Variants in FDFT1 observed in about 807,000 individuals in gnomAD.
FDFT1 encodes the protein squalene synthase.
Under a neutral mutation model 46.8 loss-of-function variants are expected in FDFT1, and 68 were observed. The observed-to-expected ratio is 1.45, with a 90% CI of 1.19 to 1.78. The LOEUF (loss-of-function observed/expected upper bound fraction) is 1.78, where lower values mean the gene tolerates loss of function less well. FDFT1 is among the 40% of genes most tolerant of loss of function. FDFT1 has a pLI of 0.00. For synonymous variants in FDFT1, 351 were observed against 185.1 expected, an observed-to-expected ratio of 1.90 and a Z score of -7.28; for missense variants, 928 against 524.4, an observed-to-expected ratio of 1.77 and a Z score of -7.52.
chr8:11,820,680 G>T (rs955238223), intron 3 of FDFT1, among the ~76,000 whole-genome samples: 8 of 152,228 alleles, frequency 5.3e-5, no homozygotes, highest in Admixed American at 1.3e-4. Flanking sequence ...CCCGAGCCAG[G>T]CACTGGAGGC....
intron 5 of FDFT1, among the ~76,000 whole-genome samples, chr8:11,827,502 A>G (rs1465029109): frequency 1.3e-5 from 2 of 151,914 alleles, no homozygotes; most frequent in Non-Finnish European, 2.9e-5. Flanking sequence ...TCGGTGGCAG[A>G]ATGAAACTGT....
intron 1 of FDFT1, 81 bp downstream of exon 1, chr8:11,803,012 A>T: frequency 6.6e-7 from 1 of 1,523,102 alleles, no homozygotes; most frequent in Non-Finnish European, 8.8e-7. Context: ...CCGGGCCCGG[A>T]TCTGGGGCAA....
At chr8:11,817,031 T>G (rs1280941765) in intron 3 of FDFT1, among the ~76,000 whole-genome samples, 1 of 152,194 alleles carries the variant, frequency 6.6e-6, no homozygotes, top group Non-Finnish European at 1.5e-5. Flanking sequence ...CTTATTATTT[T>G]GAGATGCGTT....
Position 11,830,437 on chromosome 8 carries a change from C to T in FDFT1, c.879+17C>T, listed in dbSNP as rs1199358484. 4 of 1,592,640 alleles carry T rather than the reference C, an allele frequency of 2.5e-6. No homozygotes were observed. The East Asian group carries it at 6.7e-5, about 27-fold the overall frequency. Reference sequence around the variant, plus strand: ...ATTCCACAGGTAGGGAAGGGGGCTCCTCTGGGTGGATACGGGGCTAAAGGG... The same window carrying T: ...ATTCCACAGGTAGGGAAGGGGGCTCTTCTGGGTGGATACGGGGCTAAAGGG... On this transcript the variant is annotated intron_variant, in intron 6 of 7. Transcript: ENST00000220584.
At chr8:11,801,004 G>A (rs1256080097), upstream of FDFT1, among the ~76,000 whole-genome samples, 1 of 152,142 alleles carries the variant, frequency 6.6e-6, no homozygotes, top group East Asian at 1.9e-4. Flanking sequence ...ATTAGAATAT[G>A]GTAAATATAG....
At chr8:11,798,402 A>G (rs60471430), upstream of FDFT1, among the ~76,000 whole-genome samples, 24,740 of 152,214 alleles carry the variant, frequency 0.16, 2,090 homozygotes, top group East Asian at 0.31. Context: ...CCATATGGGA[A>G]AGGACAGGGG....
At chr8:11,837,881 G>GGA (rs908520521) in intron 7 of FDFT1, among the ~76,000 whole-genome samples, 1 of 152,132 alleles carries the variant, frequency 6.6e-6, no homozygotes, top group Non-Finnish European at 1.5e-5. Context: ...GGAGGAGTGG[G>GGA]GAGGGAGGCA....
At chr8:11,837,786 G>C (rs1459593713) in intron 7 of FDFT1, among the ~76,000 whole-genome samples, 1 of 152,200 alleles carries the variant, frequency 6.6e-6, no homozygotes, top group East Asian at 1.9e-4. Context: ...TAGCTCATCT[G>C]AGAGGCACTC....
intron 7 of FDFT1, among the ~76,000 whole-genome samples, chr8:11,832,577 G>A (rs60856203): frequency 9.6e-3 from 626 of 65,326 alleles, no homozygotes; most frequent in Non-Finnish European, 0.017. Context: ...AAAAAAAAAA[G>A]TCTTAGAGAC....
At chr8:11,826,355 C>A (rs2256918) in intron 5 of FDFT1, 140 bp downstream of exon 5, 432,995 of 543,194 alleles carry the variant, frequency 0.8, 174,029 homozygotes, top group East Asian at 1. Context: ...AATAGGATAG[C>A]TTGACATGAG....
intron 1 of FDFT1, among the ~76,000 whole-genome samples, chr8:11,796,941 T>G (rs1014209076): frequency 2.6e-5 from 4 of 152,380 alleles, no homozygotes; most frequent in South Asian, 2.1e-4. Flanking sequence ...GGCAGTGTGC[T>G]GAAAGCAGCT....
intron 7 of FDFT1, among the ~76,000 whole-genome samples, chr8:11,836,960 G>C (rs1417815220): frequency 6.6e-6 from 1 of 152,262 alleles, no homozygotes; most frequent in Admixed American, 6.5e-5. Flanking sequence ...GTAAGTAGGT[G>C]CGGTGTAGTC....
intron 5 of FDFT1, among the ~76,000 whole-genome samples, chr8:11,828,536 C>G (rs757920983): frequency 1.3e-5 from 2 of 152,238 alleles, no homozygotes; most frequent in Admixed American, 6.5e-5. Context: ...GACCACTGTT[C>G]CATTGTCTCC....
intron 5 of FDFT1, 123 bp downstream of exon 5, chr8:11,826,338 T>G: frequency 1.5e-6 from 1 of 651,708 alleles, no homozygotes; most frequent in South Asian, 2.7e-5. Flanking sequence ...CATAAGGGGA[T>G]GTGGAAAATA....
chr8:11,800,789 T>A (rs1309754406), upstream of FDFT1, among the ~76,000 whole-genome samples: 3 of 152,234 alleles, frequency 2.0e-5, no homozygotes, highest in Non-Finnish European at 2.9e-5. Context: ...TTATTCCTAA[T>A]TAAATGGGGA....
intron 7 of FDFT1, among the ~76,000 whole-genome samples, chr8:11,835,508 C>T (rs1160306142): frequency 2.0e-5 from 3 of 152,164 alleles, no homozygotes; most frequent in Non-Finnish European, 2.9e-5. Context: ...TTAATTTATT[C>T]ACCTTACTTA....
chr8:11,833,478 C>A (rs1309191800), intron 7 of FDFT1, among the ~76,000 whole-genome samples: 1 of 152,148 alleles, frequency 6.6e-6, no homozygotes, highest in Non-Finnish European at 1.5e-5. Flanking sequence ...TTTGGTTTTG[C>A]AGTTTGATCA....
At chr8:11,797,038 G>A (rs1422358706) in intron 1 of FDFT1, among the ~76,000 whole-genome samples, 1 of 152,248 alleles carries the variant, frequency 6.6e-6, no homozygotes. Context: ...TAGGAAAAGG[G>A]TAGTAACTTC....
At chr8:11,801,349 C>A (rs544264532), upstream of FDFT1, among the ~76,000 whole-genome samples, 16 of 152,298 alleles carry the variant, frequency 1.1e-4, no homozygotes, top group Admixed American at 2.0e-4. Context: ...GATGAAGTCT[C>A]GCTCTTGTCC....
Sources: gnomAD v4.1 joint callset for allele counts (sites outside exome capture counted in the v4.1 genomes callset) on GRCh38, gnomAD v4.1.1 for gene constraint, MANE v1.5 for transcripts, NCBI Gene and HGNC (gene_info 2026-07-23, HGNC 2026-07-21) for gene names.